The following ABLIM1 variants were observed in gnomAD, a reference collection of about 807,000 sequenced individuals.
ABLIM1 encodes the protein actin-binding LIM protein 1.
In ABLIM1, 40 loss-of-function variants were observed where a neutral mutation model predicts 107.0. That is an observed-to-expected ratio of 0.37 (90% CI 0.29 to 0.49). ABLIM1 has a LOEUF of 0.49. ABLIM1 is among the 20% of genes least tolerant of loss of function. The pLI is 0.97. For missense variants in ABLIM1, 857 were observed against 1,008.5 expected (o/e 0.85, Z 2.04); for synonymous variants, 357 against 357.3 (o/e 1.00, Z 0.01).
At chr10:114,496,268 AAT>A in intron 6 of ABLIM1, among the ~76,000 whole-genome samples, 1 of 152,314 alleles carries the variant, frequency 6.6e-6, no homozygotes, top group East Asian at 1.9e-4. Flanking sequence ...TCGCTCTATA[AAT>A]CATTAGTAAA....
chr10:114,754,092 T>C (rs1256975865), intron 1 of ABLIM1, among the ~76,000 whole-genome samples: 2 of 152,174 alleles, frequency 1.3e-5, no homozygotes, highest in Admixed American at 6.5e-5. Flanking sequence ...CCTCAAGTGA[T>C]CTGCCTGCCT....
rs2059235975 is a variant in ABLIM1, at chr10:114,435,041, A to G, written c.*1219T>C. 1 of 152,200 alleles carries G rather than the reference A, an allele frequency of 6.6e-6. No homozygotes were observed. Among genetic ancestry groups the G allele is most frequent in the African/African-American group, 2.4e-5 (1 of 41,452 alleles). 9.4% of individuals were successfully genotyped at this position (152,200 alleles called of 1,614,324 possible). A position where few individuals can be genotyped will look rare whatever the true frequency, so the allele number is the denominator to read the frequency against. On this transcript the variant is annotated 3_prime_UTR_variant, in exon 23 of 23. Transcript: ENST00000533213. ...CAGGACAAACATTCAAGCAGAAATTAAAAAGCACATGCATGCTCACAAAAT... is the reference window on the plus strand; with the variant it reads ...CAGGACAAACATTCAAGCAGAAATTGAAAAGCACATGCATGCTCACAAAAT...
chr10:114,583,460 CACACACACATATATATATATATATAT>C (rs2073792520), intron 2 of ABLIM1, among the ~76,000 whole-genome samples: 2 of 10,338 alleles, frequency 1.9e-4, no homozygotes, highest in African/African-American at 6.4e-4. Context: ...CACACACACA[CACACACACATATATATATATATATAT>C]ATATATATAT....
intron 4 of ABLIM1, among the ~76,000 whole-genome samples, chr10:114,558,895 G>C (rs2069177114): frequency 2.6e-5 from 4 of 151,494 alleles, no homozygotes; most frequent in Non-Finnish European, 5.9e-5. Context: ...TCCTGTCAGG[G>C]AGAACTAGTG....
chr10:114,493,128 G>A (rs975636063), intron 6 of ABLIM1, among the ~76,000 whole-genome samples: 5 of 152,078 alleles, frequency 3.3e-5, no homozygotes, highest in Non-Finnish European at 5.9e-5. Flanking sequence ...AGAGAAGGCG[G>A]GAAATATCAA....
intron 11 of ABLIM1, among the ~76,000 whole-genome samples, chr10:114,467,818 T>C (rs2065507062): frequency 6.6e-6 from 1 of 152,190 alleles, no homozygotes; most frequent in South Asian, 2.1e-4. Flanking sequence ...GAATACGCCA[T>C]GATGGCTGTT....
the ABLIM1 span, among the ~76,000 whole-genome samples, chr10:114,798,883 C>T: frequency 6.6e-6 from 1 of 152,172 alleles, no homozygotes; most frequent in African/African-American, 2.4e-5. Context: ...GTAACCTCCA[C>T]CTTCTGGATT....
chr10:114,452,137 G>T (rs2062009356), intron 13 of ABLIM1, among the ~76,000 whole-genome samples: 1 of 151,980 alleles, frequency 6.6e-6, no homozygotes, highest in South Asian at 2.1e-4. Flanking sequence ...AAAATCAAAA[G>T]TTTTTTTAAA....
chr10:114,593,548 A>G (rs886354035), intron 2 of ABLIM1, among the ~76,000 whole-genome samples: 3 of 152,022 alleles, frequency 2.0e-5, no homozygotes, highest in African/African-American at 4.8e-5. Context: ...AGGAAGCCCC[A>G]CTCTTGTATA....
intron 2 of ABLIM1, among the ~76,000 whole-genome samples, chr10:114,594,387 A>C (rs1339354928): frequency 6.6e-6 from 1 of 152,222 alleles, no homozygotes; most frequent in Non-Finnish European, 1.5e-5. Context: ...GTTACTGTCT[A>C]GTAGCCATTG....
intron 2 of ABLIM1, among the ~76,000 whole-genome samples, chr10:114,575,866 A>G (rs1565984010): frequency 6.6e-6 from 1 of 152,242 alleles, no homozygotes; most frequent in Non-Finnish European, 1.5e-5. Flanking sequence ...AGTCTTTGAT[A>G]GAAAGATACC....
intron 4 of ABLIM1, among the ~76,000 whole-genome samples, chr10:114,555,961 G>C (rs969359903): frequency 6.6e-6 from 1 of 151,966 alleles, no homozygotes. Context: ...TCAGATTTAG[G>C]TTGTTATTAA....
In ABLIM1 at chr10:114,616,072, C is replaced by T. The variant is rs570053357; in HGVS notation, c.245-14111G>A. Among the ~76,000 whole-genome samples the T allele has an allele frequency of 5.3e-5, 8 of 152,190 alleles. No homozygotes were observed. The East Asian group carries it at 5.8e-4, about 11-fold the overall frequency. ...GGCTAAGTGTGGGCGGTGGCTCACA[C>T]GTGTAATCCCAGCATTTTGGGAGTA... On this transcript the variant is annotated intron_variant, in intron 1 of 22. Transcript: ENST00000533213.
chr10:114,536,378 G>A (rs1285855558), intron 6 of ABLIM1, among the ~76,000 whole-genome samples: 1 of 151,508 alleles, frequency 6.6e-6, no homozygotes, highest in Non-Finnish European at 1.5e-5. Flanking sequence ...TTCCTGAGTA[G>A]CTGGGATTAC....
chr10:114,707,666 G>A lies in ABLIM1; in HGVS notation c.-213+60395C>T, dbSNP rs753142391. On this transcript the variant is annotated intron_variant, in intron 1 of 15. Transcript: ENST00000651092. The surrounding 1 kb of genome is among the most constrained non-coding windows in gnomAD (Gnocchi z 4.1). ...TATAATCCCAACACTTTGGGAGGCC[G>A]TGGTGGGCGGATCACTTAAGGCCAG... Among the ~76,000 whole-genome samples the A allele has an allele frequency of 4.6e-5, 7 of 152,206 alleles. No individual in the cohort carries two copies. Among genetic ancestry groups the A allele is most frequent in the East Asian group, 1.9e-4 (1 of 5,154 alleles).
chr10:114,771,198 T>C (rs537604054), upstream of ABLIM1, among the ~76,000 whole-genome samples: 2 of 152,338 alleles, frequency 1.3e-5, no homozygotes, highest in Admixed American at 6.5e-5. Context: ...TATAACCTCA[T>C]AGCAGAATTA....
At chr10:114,770,381 T>C (rs808346), upstream of ABLIM1, among the ~76,000 whole-genome samples, 107,058 of 152,018 alleles carry the variant, frequency 0.7, 37,810 homozygotes, top group Non-Finnish European at 0.73. Flanking sequence ...TTTCCTACCT[T>C]GCCAGTGCCA....
chr10:114,555,598 G>A (rs1358602207), intron 4 of ABLIM1, among the ~76,000 whole-genome samples: 2 of 152,134 alleles, frequency 1.3e-5, no homozygotes, highest in Non-Finnish European at 1.5e-5. Context: ...GAGAACTATT[G>A]TGAACTGAAT....
chr10:114,615,494 T>C (rs750005015), intron 1 of ABLIM1: 6 of 447,152 alleles, frequency 1.3e-5, no homozygotes, highest in Non-Finnish European at 2.7e-5. Flanking sequence ...TCTTTATATT[T>C]ACCACAGTCT....
Sources: allele counts gnomAD v4.1 joint callset (sites outside exome capture counted in the v4.1 genomes callset), GRCh38; gene constraint gnomAD v4.1.1; non-coding constraint Gnocchi (gnomAD v3.1); transcripts MANE v1.5; gene names NCBI Gene and HGNC (gene_info 2026-07-23, HGNC 2026-07-21).